The following TMOD3 variants were observed in gnomAD, a reference collection of about 807,000 sequenced individuals.
The protein encoded by TMOD3 is tropomodulin-3.
A neutral mutation model predicts 39.2 loss-of-function variants in TMOD3; 20 were observed. The ratio of observed to expected loss-of-function variants is 0.51; its 90% CI spans 0.36 to 0.74. The LOEUF (loss-of-function observed/expected upper bound fraction) is 0.74. Among genes scored for constraint, TMOD3 ranks in the 30% least tolerant of loss-of-function variants. The pLI, the probability that TMOD3 is intolerant of heterozygous loss-of-function variation, is 0.00. For missense variants in TMOD3, 381 were observed against 412.8 expected, an observed-to-expected ratio of 0.92 and a Z score of 0.67; for synonymous variants, 143 against 145.8, an observed-to-expected ratio of 0.98 and a Z score of 0.14.
chr15:51,897,170 G>A (rs993272023), intron 7 of TMOD3, among the ~76,000 whole-genome samples: 3 of 152,108 alleles, frequency 2.0e-5, no homozygotes, highest in Non-Finnish European at 4.4e-5. Context: ...CTAAATATTG[G>A]AATGGCCCAG....
chr15:51,908,396 A>G (rs569679607), intron 9 of TMOD3, among the ~76,000 whole-genome samples: 1 of 152,340 alleles, frequency 6.6e-6, no homozygotes, highest in South Asian at 2.1e-4. Flanking sequence ...CAAGATAGTG[A>G]GACCTAATGT....
chr15:51,885,206 T>C (rs966656196), intron 3 of TMOD3, among the ~76,000 whole-genome samples: 1 of 152,196 alleles, frequency 6.6e-6, no homozygotes, highest in Non-Finnish European at 1.5e-5. Flanking sequence ...TTTTCAATCT[T>C]GCATGGAACA....
At chr15:51,846,412 T>G (rs2056336379) in intron 1 of TMOD3, among the ~76,000 whole-genome samples, 1 of 152,224 alleles carries the variant, frequency 6.6e-6, no homozygotes, top group Admixed American at 6.5e-5. Flanking sequence ...TAATACCTTT[T>G]GTTCACTGCG....
At chr15:51,869,437 G>A (rs1379454364) in intron 3 of TMOD3, 64 bp downstream of exon 3, 25 of 1,503,540 alleles carry the variant, frequency 1.7e-5, no homozygotes, top group Non-Finnish European at 2.0e-5. Context: ...ATAGGTGGGT[G>A]TGGAGAAAAT....
chr15:51,861,172 G>A, intron 1 of TMOD3: 1 of 476,630 alleles, frequency 2.1e-6, no homozygotes, highest in Non-Finnish European at 4.1e-6. Context: ...ATTCTGTACT[G>A]TAGATCAGAA....
chr15:51,887,527 G>A (rs187092898), intron 3 of TMOD3, 62 bp from the exon 4 acceptor site: 2 of 1,549,078 alleles, frequency 1.3e-6, no homozygotes, highest in Admixed American at 2.0e-5. Flanking sequence ...TGGTTACAAG[G>A]ATAAAATGGT....
At chr15:51,842,389 A>G (rs1279926768) in intron 1 of TMOD3, among the ~76,000 whole-genome samples, 1 of 152,220 alleles carries the variant, frequency 6.6e-6, no homozygotes, top group Non-Finnish European at 1.5e-5. Context: ...CAGCTTGATG[A>G]TACCAAATTA....
At chr15:51,907,543 A>G (rs550070512) in intron 9 of TMOD3, among the ~76,000 whole-genome samples, 17 of 152,352 alleles carry the variant, frequency 1.1e-4, no homozygotes, top group African/African-American at 3.6e-4. Flanking sequence ...CAGAGTGTCT[A>G]TGGCCTGGCC....
At chr15:51,853,938 G>T (rs2056375558) in intron 1 of TMOD3, among the ~76,000 whole-genome samples, 1 of 152,184 alleles carries the variant, frequency 6.6e-6, no homozygotes, top group South Asian at 2.1e-4. Context: ...TTCAGTTGAG[G>T]ATAGAGGTAG....
chr15:51,905,772 G>A (rs372818415), intron 9 of TMOD3, among the ~76,000 whole-genome samples: 21 of 151,786 alleles, frequency 1.4e-4, no homozygotes, highest in African/African-American at 2.7e-4. Context: ...GTGAAACCCC[G>A]TCTCTACTAA....
chr15:51,897,919 G>C lies in TMOD3; in HGVS notation c.735+1393G>C, dbSNP rs373649029. Among the ~76,000 whole-genome samples the C allele has an allele frequency of 2.6e-5, 4 of 151,204 alleles. No homozygotes were observed. In the East Asian group the frequency reaches 7.8e-4, roughly 29 times the overall value. On this transcript the variant is annotated intron_variant, in intron 7 of 9. Transcript: ENST00000308580. Reference sequence around the variant, plus strand: ...TCACCATTTTCACAACTACCACCTTGACCCAAGCCACCATCTTTTCCCACC... The same window carrying C: ...TCACCATTTTCACAACTACCACCTTCACCCAAGCCACCATCTTTTCCCACC...
At chr15:51,850,470 G>C (rs147748699) in intron 1 of TMOD3, among the ~76,000 whole-genome samples, 39 of 152,258 alleles carry the variant, frequency 2.6e-4, no homozygotes, top group African/African-American at 8.7e-4. Flanking sequence ...TATATTCTCA[G>C]TGAAATATTA....
rs572941445 is a variant in TMOD3 at position 51,829,662 on chromosome 15, A to C, written c.-249A>C. The C allele has an allele frequency of 1.3e-5, 2 of 152,248 alleles. No individual in the cohort carries two copies. Among genetic ancestry groups the C allele is most frequent in the African/African-American group, 4.8e-5 (2 of 41,426 alleles). The allele number at this position is 152,248 out of a possible 1,614,324, so 9.4% of individuals were successfully genotyped here. A position where few individuals can be genotyped will look rare whatever the true frequency, so the allele number is the denominator to read the frequency against. On this transcript the variant is annotated 5_prime_UTR_variant, in exon 1 of 10. Transcript: ENST00000308580. ...CACGCGCGTCGGAGGCGAAGGAGGAACCCACCGCACCTACAGGGCGGTCGA... is the reference window on the plus strand; with the variant it reads ...CACGCGCGTCGGAGGCGAAGGAGGACCCCACCGCACCTACAGGGCGGTCGA...
chr15:51,889,113 G>T lies in TMOD3; in HGVS notation c.464G>T (p.Ser155Ile). The change falls in exon 5 of 10, where the codon AGT (serine) becomes ATT (isoleucine). Residue 155 changes from serine to isoleucine, a missense_variant. Ser to Ile is a moderately radical substitution (Grantham distance 142). Coordinates refer to ENST00000308580, the MANE Select transcript of TMOD3 (RefSeq NM_014547.5). ...TNTKFCNIMG[S>I]SNGVDQEHFS... ...ACAAAGTTCTGTAATATAATGGGAA[G>T]TAGTAATGGTGTTGACCAAGAACAT... 2 of 1,601,960 alleles carry T rather than the reference G, an allele frequency of 1.2e-6. No homozygotes were observed. The highest frequency in any genetic ancestry group is 1.7e-6 in the Non-Finnish European group (2 of 1,175,306).
chr15:51,856,127 G>A (rs1290661782), intron 1 of TMOD3, among the ~76,000 whole-genome samples: 1 of 152,206 alleles, frequency 6.6e-6, no homozygotes, highest in African/African-American at 2.4e-5. Flanking sequence ...GTTGGGTGTG[G>A]TGGCACATGC....
intron 2 of TMOD3, among the ~76,000 whole-genome samples, chr15:51,868,955 G>A (rs1452081883): frequency 6.6e-6 from 1 of 152,202 alleles, no homozygotes; most frequent in African/African-American, 2.4e-5. Context: ...TTTGGGGATA[G>A]AAGGAGACTG....
Position 51,867,098 on chromosome 15 carries a change from G to T in TMOD3, c.127-2119G>T, listed in dbSNP as rs1021205597. Among the ~76,000 whole-genome samples, 12 of 152,176 alleles carry T rather than the reference G, an allele frequency of 7.9e-5. 1 individual carries two copies. The highest frequency in any genetic ancestry group is 7.2e-4 in the Admixed American group (11 of 15,286). Reference sequence around the variant, plus strand: ...AGTACAAGAGAGAAAAAAAAGTCCAGTGTGACTGGAATGGAGAGGGTGTGT... The same window carrying T: ...AGTACAAGAGAGAAAAAAAAGTCCATTGTGACTGGAATGGAGAGGGTGTGT... On this transcript the variant is annotated intron_variant, in intron 2 of 9. Coordinates refer to ENST00000308580, the MANE Select transcript of TMOD3 (RefSeq NM_014547.5).
At chr15:51,830,622 C>A (rs746037639) in intron 1 of TMOD3, among the ~76,000 whole-genome samples, 3 of 152,256 alleles carry the variant, frequency 2.0e-5, no homozygotes, top group Non-Finnish European at 4.4e-5. Flanking sequence ...GTAAAACTTA[C>A]CCCAGGAGGC....
chr15:51,886,325 G>A (rs1021943690), intron 3 of TMOD3, among the ~76,000 whole-genome samples: 5 of 152,228 alleles, frequency 3.3e-5, no homozygotes, highest in Non-Finnish European at 5.9e-5. Context: ...CGGCTGGGAG[G>A]TGGAGGCTGT....
Sources: gnomAD v4.1 joint callset for allele counts (sites outside exome capture counted in the v4.1 genomes callset) on GRCh38, gnomAD v4.1.1 for gene constraint, MANE v1.5 for transcripts, NCBI Gene and HGNC (gene_info 2026-07-23, HGNC 2026-07-21) for gene names.